The following KRT14 variants were observed in gnomAD, a reference collection of about 807,000 sequenced individuals.
The protein encoded by KRT14 is keratin 14.
A neutral mutation model predicts 44.5 loss-of-function variants in KRT14; 30 were observed. The observed-to-expected ratio is 0.67, with a 90% CI of 0.50 to 0.92. The LOEUF is 0.92. Ranked by LOEUF, KRT14 falls within the 40% of genes least tolerant of loss-of-function variation. The pLI is 0.00. For missense variants in KRT14, 535 were observed against 640.6 expected (o/e 0.84, Z 1.78); for synonymous variants, 241 against 257.6 (o/e 0.94, Z 0.62).
intron 1 of KRT14, among the ~76,000 whole-genome samples, chr17:41,585,953 C>A (rs1359793414): frequency 3.9e-5 from 6 of 152,248 alleles, no homozygotes; most frequent in Non-Finnish European, 7.3e-5. Context: ...TAGCTGCCTC[C>A]TGTGCTGGAA....
intron 4 of KRT14, 29 bp from the exon 5 acceptor site, chr17:41,583,705 A>G: frequency 1.2e-6 from 2 of 1,614,280 alleles, no homozygotes; most frequent in Non-Finnish European, 1.7e-6. Flanking sequence ...CATTCACACC[A>G]GAAGGCCCCA....
Position 41,583,788 on chromosome 17 carries a change from T to C in KRT14, c.899A>G (p.Lys300Arg), listed in dbSNP as rs1340555215. Residue 300 changes from lysine to arginine, a missense_variant, in exon 4 of 8, where the codon AAG (lysine) becomes AGG (arginine). Coordinates refer to ENST00000167586, the MANE Select transcript of KRT14 (RefSeq NM_000526.5). ...QYEKMAEKNRKDAEEWFFTKT... is the reference protein window; with the variant it reads ...QYEKMAEKNRRDAEEWFFTKT... ...GGTGAAGAACCATTCCTCGGCATCCTTGCGGTTCTTCTCTGCCATCTTCTC... is the reference window on the plus strand; with the variant it reads ...GGTGAAGAACCATTCCTCGGCATCCCTGCGGTTCTTCTCTGCCATCTTCTC... 4.3e-6 allele frequency: 7 copies of C among 1,614,152 alleles called. No individual in the cohort carries two copies. In the East Asian group the frequency reaches 1.6e-4, roughly 36 times the overall value.
chr17:41,582,547 G>A lies in KRT14; in HGVS notation c.1322-15C>T, dbSNP rs372628911. ...GGAGGAGGTCACTGGGGAAGAGGTGGGAAGAGGACGTTACCAGAGGTGGAC... is the reference window on the plus strand; with the variant it reads ...GGAGGAGGTCACTGGGGAAGAGGTGAGAAGAGGACGTTACCAGAGGTGGAC... On this transcript the variant is annotated splice_polypyrimidine_tract_variant and intron_variant, in intron 7 of 7. Transcript: ENST00000167586. 1.5e-5 allele frequency: 24 copies of A among 1,549,202 alleles called. No individual in the cohort carries two copies. The Middle Eastern group carries it at 5.0e-4, about 32-fold the overall frequency.
intron 2 of KRT14, 109 bp downstream of exon 2, chr17:41,584,866 G>C: frequency 1.2e-6 from 1 of 825,802 alleles, no homozygotes; most frequent in Non-Finnish European, 2.1e-6. Flanking sequence ...ACCCCAGGGA[G>C]TTTTCATGCA....
rs760522797 is a variant in KRT14, at chr17:41,583,291, C to T, written c.1218G>A (p.Thr406=). The T allele has an allele frequency of 6.2e-6, 10 of 1,613,626 alleles. No homozygotes were observed. The highest frequency in any genetic ancestry group is 1.1e-5 in the South Asian group (1 of 91,072). The part of the protein sequence containing the change: ...QEYKILLDVK[T]RLEQEIATYR... ...AGGTGGCGATCTCCTGCTCCAGCCGCGTCTTCACGTCCAGCAGGATCTTGT... is the reference window on the plus strand; with the variant it reads ...AGGTGGCGATCTCCTGCTCCAGCCGTGTCTTCACGTCCAGCAGGATCTTGT... Residue 406 remains threonine (T), a synonymous_variant, in exon 6 of 8, where the codon ACG becomes ACA. Coordinates refer to ENST00000167586, the MANE Select transcript of KRT14 (RefSeq NM_000526.5).
At position 41,584,975 on chromosome 17, in the gene KRT14, T is replaced by G; in HGVS notation, c.608A>C (p.Lys203Thr). The stretch of plus-strand genomic sequence containing the variant: ...TTCTGGCCCACCATTTCAAACTCAC[T>G]TGGTGCGGAAGTCATCCGCGGCCAG... ...ARLAADDFRT[K>T]YETELNLRMS... The change falls in exon 2 of 8, where the codon AAG (lysine) becomes ACG (threonine). Residue 203 changes from lysine (K) to threonine (T), a missense_variant and splice_region_variant. Physicochemically the swap from Lys to Thr is moderately conservative, Grantham distance 78 (BLOSUM62 -1). Coordinates refer to ENST00000167586, the MANE Select transcript of KRT14 (RefSeq NM_000526.5). 6.2e-7 allele frequency: 1 copy of G among 1,612,492 alleles called. No individual in the cohort carries two copies.
Position 41,585,075 on chromosome 17 carries a change from CA to C in KRT14, c.526-19del. ...GTGAGAATCTGCAGGATGGAAAAGG[CA>C]CAGGTAATTTGTCAAATGGACTTCA... is the stretch of plus-strand genomic sequence containing the variant. On this transcript the variant is annotated intron_variant, in intron 1 of 7. Coordinates refer to ENST00000167586, the MANE Select transcript of KRT14 (RefSeq NM_000526.5). 6.3e-7 allele frequency: 1 copy of C among 1,597,658 alleles called. No individual in the cohort carries two copies. Among genetic ancestry groups the C allele is most frequent in the Non-Finnish European group, 8.6e-7 (1 of 1,165,372 alleles).
rs779312134 is a variant in KRT14 at position 41,583,202 on chromosome 17, G to T, written c.1274+33C>A. 128 of 1,612,784 alleles carry T rather than the reference G, an allele frequency of 7.9e-5. 2 individuals are homozygous for T. The highest frequency in any genetic ancestry group is 7.1e-4 in the Middle Eastern group (4 of 5,648). ...TGGTGGGGCCGTGAGAGTGCCATGG[G>T]GGGGGCGGACTAAGGGGAGGGCCAA... On this transcript the variant is annotated intron_variant, in intron 6 of 7. Transcript: ENST00000167586.
At chr17:41,583,199 TG>T (rs35380497) in intron 6 of KRT14, 35 bp downstream of exon 6, 79 of 1,554,068 alleles carry the variant, frequency 5.1e-5, no homozygotes, top group Admixed American at 3.9e-4. Flanking sequence ...GAGAGTGCCA[TG>T]GGGGGGGCGG....
At position 41,583,080 on chromosome 17, in the gene KRT14, G is replaced by C. The variant is rs777733116; in HGVS notation, c.1321+14C>G. ...TGGCCTGGAGCCCAGGCCTGCAGAG[G>C]AGGAGGGTCTTACCATCTCTGGATG... On this transcript the variant is annotated intron_variant, in intron 7 of 7. Transcript: ENST00000167586. 1.9e-6 allele frequency: 3 copies of C among 1,612,242 alleles called. No individual in the cohort carries two copies. Among genetic ancestry groups the C allele is most frequent in the East Asian group, 2.2e-5 (1 of 44,852 alleles).
rs772032843 is a variant in KRT14, at chr17:41,583,371, C to T, written c.1138G>A (p.Val380Met). ...LAQIQEMIGS[V>M]EEQLAQLRCE... The stretch of plus-strand genomic sequence containing the variant: ...CGGAGCTGGGCCAGCTGCTCCTCCA[C>T]GCTGCCAATCATCTCCTGGATCTGG... Residue 380 changes from valine (V) to methionine (M), a missense_variant, in exon 6 of 8, where the codon GTG (valine) becomes ATG (methionine). By Grantham distance (21) the Val-to-Met change is conservative. Transcript: ENST00000167586. The T allele has an allele frequency of 1.9e-5, 30 of 1,613,562 alleles. No homozygotes were observed. In the East Asian group the frequency reaches 2.2e-4, roughly 12 times the overall value.
rs762767165 is a variant in KRT14, at chr17:41,586,787, G to A, written c.48C>T (p.Gly16=). 38 of 1,591,220 alleles carry A rather than the reference G, an allele frequency of 2.4e-5. No homozygotes were observed. Among genetic ancestry groups the A allele is most frequent in the Non-Finnish European group, 2.8e-5 (33 of 1,170,800 alleles). ...CGATGCCGCCCCCGATGCCGCAGGAGCCCTTCATGGAGCTGGAGGAGGTGA... is the reference window on the plus strand; with the variant it reads ...CGATGCCGCCCCCGATGCCGCAGGAACCCTTCATGGAGCTGGAGGAGGTGA... The part of the protein sequence containing the change: ...RQFTSSSSMK[G]SCGIGGGIGG... Residue 16 remains glycine (G), a synonymous_variant, in exon 1 of 8, where the codon GGC becomes GGT. Transcript: ENST00000167586.
chr17:41,582,286 A>G lies in KRT14; in HGVS notation c.*149T>C. 6.2e-6 allele frequency: 4 copies of G among 645,490 alleles called. No individual in the cohort carries two copies. Among genetic ancestry groups the G allele is most frequent in the East Asian group, 2.7e-5 (1 of 36,374 alleles). 40.0% of individuals were successfully genotyped at this position (645,490 alleles called of 1,614,324 possible). A position where few individuals can be genotyped will look rare whatever the true frequency, so the allele number is the denominator to read the frequency against. On this transcript the variant is annotated 3_prime_UTR_variant, in exon 8 of 8. Transcript: ENST00000167586. ...ACCAGAGAGAGGCGAGAATTATGCAACTCAGATAATGAAGCTGTATTGATT... is the reference window on the plus strand; with the variant it reads ...ACCAGAGAGAGGCGAGAATTATGCAGCTCAGATAATGAAGCTGTATTGATT...
intron 1 of KRT14, among the ~76,000 whole-genome samples, chr17:41,585,660 C>T (rs1441456453): frequency 6.6e-6 from 1 of 152,244 alleles, no homozygotes; most frequent in African/African-American, 2.4e-5. Flanking sequence ...TAGAGCCCAA[C>T]AGACTCCAGC....
intron 1 of KRT14, 29 bp downstream of exon 1, chr17:41,586,281 A>G (rs1176672804): frequency 3.1e-6 from 5 of 1,611,828 alleles, no homozygotes; most frequent in Non-Finnish European, 4.2e-6. Flanking sequence ...GCTAGCTGGA[A>G]TGGTGCCTTC....
In KRT14 at chr17:41,583,895, C is replaced by T. The variant is rs552070243; in HGVS notation, c.792G>A (p.Val264=). The change falls in exon 4 of 8, where the codon GTG becomes GTA. Residue 264 remains valine, a synonymous_variant. Transcript: ENST00000167586. ...CCATCTCCACATTGACATCTCCACC[C>T]ACCTGGCCTCTCAGGGCATTCATCT... is the stretch of plus-strand genomic sequence containing the variant. ...EEEMNALRGQ[V]GGDVNVEMDA... The T allele has an allele frequency of 1.2e-6, 2 of 1,613,964 alleles. No individual in the cohort carries two copies. Among genetic ancestry groups the T allele is most frequent in the East Asian group, 4.5e-5 (2 of 44,876 alleles).
intron 1 of KRT14, among the ~76,000 whole-genome samples, chr17:41,586,040 G>A (rs770148356): frequency 1.1e-4 from 16 of 152,184 alleles, no homozygotes; most frequent in Non-Finnish European, 1.8e-4. Context: ...AGCACCTCTC[G>A]AAGCTTCAAC....
chr17:41,586,372 G>A lies in KRT14; in HGVS notation c.463C>T (p.Arg155Trp), dbSNP rs146346549. The change falls in exon 1 of 8, where the codon CGG becomes TGG. Residue 155 changes from arginine to tryptophan, a missense_variant. Physicochemically the swap from Arg to Trp is moderately radical, Grantham distance 101 (BLOSUM62 -3). Transcript: ENST00000167586. ...CTGTAGTCTTTGATCTCAGCAGGCC[G>A]CTGCCTCTGGTACCAGTCACGGATC... ...VKIRDWYQRQ[R>W]PAEIKDYSPY... is the part of the protein sequence containing the mutation. 1.1e-4 allele frequency: 172 copies of A among 1,613,364 alleles called. No homozygotes were observed. The Middle Eastern group carries it at 1.8e-3, about 17-fold the overall frequency.
chr17:41,584,445 A>G, intron 2 of KRT14, 32 bp from the exon 3 acceptor site: 1 of 1,612,534 alleles, frequency 6.2e-7, no homozygotes, highest in Non-Finnish European at 8.5e-7. Flanking sequence ...GGTATGAGAC[A>G]CCCATCCTGA....
Sources: allele counts gnomAD v4.1 joint callset (sites outside exome capture counted in the v4.1 genomes callset), GRCh38; gene constraint gnomAD v4.1.1; transcripts MANE v1.5; gene names NCBI Gene and HGNC (gene_info 2026-07-23, HGNC 2026-07-21).